The following CLDN14 variants were observed in gnomAD, a reference collection of about 807,000 sequenced individuals.
CLDN14 encodes the protein claudin 14.
In CLDN14, 2 loss-of-function variants were observed where a neutral mutation model predicts 2.1. That is an observed-to-expected ratio of 0.96 (90% CI 0.39 to 3.01). CLDN14 has a LOEUF of 3.01. Ranked by LOEUF, CLDN14 falls within the 30% of genes most tolerant of loss-of-function variation. CLDN14 has a pLI of 0.09. For missense variants in CLDN14, 298 were observed against 328.0 expected (o/e 0.91, Z 0.71); for synonymous variants, 136 against 154.4 (o/e 0.88, Z 0.88).
chr21:36,519,583 G>A (rs2087253832), intron 1 of CLDN14, among the ~76,000 whole-genome samples: 1 of 152,122 alleles, frequency 6.6e-6, no homozygotes, highest in Non-Finnish European at 1.5e-5. Context: ...GGTGGCACAT[G>A]CCTGTAGTCC....
At chr21:36,486,750 T>A in intron 2 of CLDN14, 1 of 936,224 alleles carries the variant, frequency 1.1e-6, no homozygotes, top group Non-Finnish European at 1.7e-6. Flanking sequence ...TCATTGCCTT[T>A]GGGCTTCCCA....
chr21:36,476,777 C>A (rs146583842), intron 1 of CLDN14, among the ~76,000 whole-genome samples: 1 of 152,242 alleles, frequency 6.6e-6, no homozygotes, highest in Non-Finnish European at 1.5e-5. Flanking sequence ...AAACAAATCT[C>A]CTCCTGGCCC....
rs57062881 is a variant in CLDN14 at position 36,486,986 on chromosome 21, A to ATT, written c.-82+23375_-82+23376dup. On this transcript the variant is annotated intron_variant, in intron 2 of 2. Coordinates refer to the CLDN14 transcript ENST00000342108. ...TCAGGGTTGCTGTGGATTTTGTTTA[A>ATT]TTTTTTTTTTTTTTTTGAGACTGAG... 8.2e-3 allele frequency: 2,292 copies of ATT among 279,940 alleles called. 3 individuals carry two copies. The highest frequency in any genetic ancestry group is 0.014 in the African/African-American group (561 of 40,808). The allele number at this position is 279,940 out of a possible 1,614,324, so 17.3% of individuals were successfully genotyped here. A position where few individuals can be genotyped will look rare whatever the true frequency, so the allele number is the denominator to read the frequency against.
intron 1 of CLDN14, among the ~76,000 whole-genome samples, chr21:36,461,986 C>T (rs546952683): frequency 2.1e-4 from 32 of 152,294 alleles, no homozygotes; most frequent in Middle Eastern, 3.4e-3. Context: ...GACAGCCGGA[C>T]GCTGGCCTCA....
At chr21:36,528,330 T>C (rs1189285383) in intron 1 of CLDN14, among the ~76,000 whole-genome samples, 2 of 152,218 alleles carry the variant, frequency 1.3e-5, no homozygotes, top group Non-Finnish European at 2.9e-5. Context: ...CCAGGAATAT[T>C]ATCATCATCT....
Position 36,536,037 on chromosome 21 carries a change from G to A in CLDN14, c.-219-25537C>T, listed in dbSNP as rs146808820. ...CAGGGGAGGAGAACGCAGCCCTGCT[G>A]TGCTGTTCAGCACTTAAGCAGACTG... On this transcript the variant is annotated intron_variant, in intron 1 of 2. Transcript: ENST00000342108. Among the ~76,000 whole-genome samples, 417 of 152,356 alleles carry A rather than the reference G, an allele frequency of 2.7e-3. 3 individuals are homozygous for A. Among genetic ancestry groups the A allele is most frequent in the Admixed American group, 0.022 (338 of 15,308 alleles).
intron 1 of CLDN14, among the ~76,000 whole-genome samples, chr21:36,541,895 C>T (rs888271576): frequency 2.7e-3 from 25 of 9,314 alleles, no homozygotes; most frequent in African/African-American, 8.0e-3. Context: ...CTTTTGTTAC[C>T]CCCCCCCAAT....
At chr21:36,549,388 A>G (rs1386730535) in intron 1 of CLDN14, among the ~76,000 whole-genome samples, 1 of 151,992 alleles carries the variant, frequency 6.6e-6, no homozygotes. Context: ...AATGAGAAAG[A>G]TGTATTTGGT....
intron 1 of CLDN14, among the ~76,000 whole-genome samples, chr21:36,475,087 G>A (rs187551675): frequency 2.2e-4 from 33 of 152,244 alleles, no homozygotes; most frequent in African/African-American, 7.0e-4. Context: ...AGTCAGTGCC[G>A]GGTGCAGGTG....
At position 36,514,450 on chromosome 21, in the gene CLDN14, C is replaced by T. The variant is rs182780692; in HGVS notation, c.-219-3950G>A. On this transcript the variant is annotated intron_variant, in intron 1 of 2. Coordinates refer to the CLDN14 transcript ENST00000342108. ...CCACTGCAGGTATTTCCACAGTGCG[C>T]CAGAAGCAATGATGGTTTCAATTGG... 4.8e-3 allele frequency among the ~76,000 whole-genome samples: 728 copies of T among 152,236 alleles called. 16 individuals carry two copies. Among genetic ancestry groups the T allele is most frequent in the Non-Finnish European group, 3.1e-3 (212 of 68,016 alleles).
chr21:36,507,844 C>T (rs186695083), intron 2 of CLDN14, among the ~76,000 whole-genome samples: 95 of 152,314 alleles, frequency 6.2e-4, no homozygotes, highest in African/African-American at 2.1e-3. Context: ...GCACTGTTAA[C>T]ATTTACAAAC....
At chr21:36,539,926 AGTGT>A (rs1412144592) in intron 1 of CLDN14, among the ~76,000 whole-genome samples, 9 of 139,488 alleles carry the variant, frequency 6.5e-5, no homozygotes, top group African/African-American at 2.4e-4. Flanking sequence ...GTGTCTGTGG[AGTGT>A]GTGTGTGGAG....
intron 1 of CLDN14, among the ~76,000 whole-genome samples, chr21:36,528,889 T>C (rs375619487): frequency 6.6e-5 from 10 of 152,202 alleles, no homozygotes; most frequent in African/African-American, 2.4e-4. Context: ...GCCGCAACCC[T>C]GCCTGGCCCT....
At chr21:36,573,363 T>G (rs984961475) in intron 1 of CLDN14, among the ~76,000 whole-genome samples, 3 of 151,756 alleles carry the variant, frequency 2.0e-5, no homozygotes, top group Non-Finnish European at 4.4e-5. Context: ...CTACAGTTAC[T>G]GCAACTCAAA....
chr21:36,552,986 C>T (rs2087573246), intron 1 of CLDN14, among the ~76,000 whole-genome samples: 1 of 152,216 alleles, frequency 6.6e-6, no homozygotes, highest in Non-Finnish European at 1.5e-5. Flanking sequence ...AACCTCACCT[C>T]TAAGTGGGAT....
At chr21:36,467,773 G>C (rs1004485561) in intron 1 of CLDN14, among the ~76,000 whole-genome samples, 1 of 152,168 alleles carries the variant, frequency 6.6e-6, no homozygotes, top group Non-Finnish European at 1.5e-5. Flanking sequence ...TGCAAAATCA[G>C]CCCCTGTGAT....
chr21:36,551,102 G>A lies in CLDN14; in HGVS notation c.-220+25309C>T, dbSNP rs948039635. Among the ~76,000 whole-genome samples the A allele has an allele frequency of 2.0e-5, 3 of 152,186 alleles. No individual in the cohort carries two copies. The highest frequency in any genetic ancestry group is 6.5e-5 in the Admixed American group (1 of 15,280). On this transcript the variant is annotated intron_variant, in intron 1 of 2. Transcript: ENST00000342108. This position sits in a 1 kb window ranked among gnomAD's most constrained non-coding sequence, Gnocchi z 4.8. ...AGCCACCAGAGTGGGGAGGGGGCAC[G>A]GAACAGACTCCCCTTGGAGCCTCCA...
At position 36,559,346 on chromosome 21, in the gene CLDN14, G is replaced by A. The variant is rs113486251; in HGVS notation, c.-220+17065C>T. Among the ~76,000 whole-genome samples the A allele has an allele frequency of 1.6e-4, 24 of 152,160 alleles. No homozygotes were observed. The East Asian group carries it at 3.9e-3, about 24-fold the overall frequency. Reference sequence around the variant, plus strand: ...CAGGTAGCTGGGATTATAGGCACCCGCCACCACGCCCAGCTAATTTTTGTA... The same window carrying A: ...CAGGTAGCTGGGATTATAGGCACCCACCACCACGCCCAGCTAATTTTTGTA... On this transcript the variant is annotated intron_variant, in intron 1 of 2. Transcript: ENST00000342108.
intron 1 of CLDN14, among the ~76,000 whole-genome samples, chr21:36,521,875 C>T (rs1045436470): frequency 2.0e-5 from 3 of 152,222 alleles, no homozygotes; most frequent in Non-Finnish European, 2.9e-5. Context: ...ATGGCAGCAT[C>T]GTCACGATTC....
Sources: gnomAD v4.1 joint callset for allele counts (sites outside exome capture counted in the v4.1 genomes callset) on GRCh38, gnomAD v4.1.1 for gene constraint, Gnocchi (gnomAD v3.1) non-coding constraint, MANE v1.5 for transcripts, NCBI Gene and HGNC (gene_info 2026-07-23, HGNC 2026-07-21) for gene names.